The following PPARG variants were observed in gnomAD, a reference collection of about 807,000 sequenced individuals.
PPARG encodes the protein peroxisome proliferator-activated receptor gamma.
Under a neutral mutation model 39.2 loss-of-function variants are expected in PPARG, and 17 were observed. That is an observed-to-expected ratio of 0.43 (90% CI 0.30 to 0.65). The LOEUF is 0.65. PPARG is among the 30% of genes least tolerant of loss of function. The pLI is 0.13. For missense variants in PPARG, 406 were observed against 585.9 expected (o/e 0.69, Z 3.17); for synonymous variants, 223 against 215.7 (o/e 1.03, Z -0.30).
intron 4 of PPARG, among the ~76,000 whole-genome samples, chr3:12,382,264 T>A (rs1395504816): frequency 6.6e-6 from 1 of 152,164 alleles, no homozygotes; most frequent in Non-Finnish European, 1.5e-5. Context: ...TATCCTCATC[T>A]CTTTCCTTTG....
chr3:12,332,998 T>C (rs1413859460), intron 2 of PPARG, among the ~76,000 whole-genome samples: 1 of 152,138 alleles, frequency 6.6e-6, no homozygotes, highest in Non-Finnish European at 1.5e-5. Context: ...ACCACTGCAC[T>C]CCAACCTAGG....
At chr3:12,412,247 A>C (rs2050901856) in intron 6 of PPARG, among the ~76,000 whole-genome samples, 1 of 152,148 alleles carries the variant, frequency 6.6e-6, no homozygotes, top group African/African-American at 2.4e-5. Context: ...TTTCTCAGGA[A>C]CACTACTGTT....
rs35196430 is a variant in PPARG, at chr3:12,329,166, CAA to C, written c.-9+16729_-9+16730del. Among the ~76,000 whole-genome samples the C allele has an allele frequency of 6.7e-3, 840 of 125,372 alleles. 4 individuals are homozygous for C. Among genetic ancestry groups the C allele is most frequent in the African/African-American group, 0.014 (474 of 33,284 alleles). 82.2% of individuals were successfully genotyped at this position (125,372 alleles called of 152,430 possible). A position where few individuals can be genotyped will look rare whatever the true frequency, so the allele number is the denominator to read the frequency against. The stretch of plus-strand genomic sequence containing the variant: ...ACAAGGACAATAAATACTCAAAATG[CAA>C]AAAAAAAAAAAAAAACCTACTGCAT... On this transcript the variant is annotated intron_variant, in intron 2 of 7. Coordinates refer to ENST00000651735, the MANE Select transcript of PPARG (RefSeq NM_138711.6).
intron 6 of PPARG, among the ~76,000 whole-genome samples, chr3:12,415,853 T>C (rs1250901967): frequency 6.6e-6 from 1 of 152,152 alleles, no homozygotes; most frequent in Admixed American, 6.5e-5. Context: ...ATAGTTTCAT[T>C]TGAGATCTGA....
chr3:12,300,206 G>A (rs2046892302), intron 1 of PPARG, among the ~76,000 whole-genome samples: 1 of 151,880 alleles, frequency 6.6e-6, no homozygotes, highest in South Asian at 2.1e-4. Flanking sequence ...TTTCACCAGA[G>A]TTAATTTGTT....
At chr3:12,430,193 A>G (rs2051608033) in intron 7 of PPARG, among the ~76,000 whole-genome samples, 1 of 103,730 alleles carries the variant, frequency 9.6e-6, no homozygotes, top group South Asian at 2.8e-4. Flanking sequence ...CATCGTTTAC[A>G]GACTTCTTCA....
At chr3:12,349,766 A>G (rs1008970338) in intron 2 of PPARG, among the ~76,000 whole-genome samples, 9 of 152,188 alleles carry the variant, frequency 5.9e-5, no homozygotes, top group Admixed American at 2.6e-4. Context: ...GGTGGGTGCT[A>G]TAGGAGTAGG....
chr3:12,317,311 TC>T (rs2047416177), intron 2 of PPARG, among the ~76,000 whole-genome samples: 1 of 152,214 alleles, frequency 6.6e-6, no homozygotes, highest in South Asian at 2.1e-4. Context: ...TCATTTCTTT[TC>T]ATTTTTATTA....
intron 1 of PPARG, among the ~76,000 whole-genome samples, chr3:12,304,987 G>A (rs1297780186): frequency 6.6e-6 from 1 of 152,146 alleles, no homozygotes; most frequent in Non-Finnish European, 1.5e-5. Flanking sequence ...TAATTGGAAT[G>A]TCTGAGCCTT....
At chr3:12,316,249 G>A (rs1353030044) in intron 2 of PPARG, among the ~76,000 whole-genome samples, 1 of 152,198 alleles carries the variant, frequency 6.6e-6, no homozygotes, top group Non-Finnish European at 1.5e-5. Context: ...CATGAAAAAT[G>A]AAATGTGAAG....
In PPARG at chr3:12,405,870, C is replaced by T; in HGVS notation, c.530-12C>T. The stretch of plus-strand genomic sequence containing the variant: ...TCCAATGATTCATCCTGTCATTCCT[C>T]TTCCTCTATAGCCATCAGGTTTGGG... On this transcript the variant is annotated splice_polypyrimidine_tract_variant and intron_variant, in intron 5 of 7. Coordinates refer to ENST00000651735, the MANE Select transcript of PPARG (RefSeq NM_138711.6). 1 of 1,611,662 alleles carries T rather than the reference C, an allele frequency of 6.2e-7. No individual in the cohort carries two copies. The highest frequency in any genetic ancestry group is 1.1e-5 in the South Asian group (1 of 91,028).
At chr3:12,322,059 G>T (rs1175410010) in intron 2 of PPARG, among the ~76,000 whole-genome samples, 1 of 152,174 alleles carries the variant, frequency 6.6e-6, no homozygotes, top group Non-Finnish European at 1.5e-5. Context: ...ATTAAGAAAA[G>T]AATTTCCATG....
At chr3:12,417,452 T>C (rs2051101771) in intron 7 of PPARG, among the ~76,000 whole-genome samples, 1 of 152,198 alleles carries the variant, frequency 6.6e-6, no homozygotes, top group South Asian at 2.1e-4. Flanking sequence ...TCTCTTTCTT[T>C]TCCTTCCAGA....
At chr3:12,356,837 A>T (rs1706787678) in intron 2 of PPARG, among the ~76,000 whole-genome samples, 1 of 152,164 alleles carries the variant, frequency 6.6e-6, no homozygotes, top group Admixed American at 6.5e-5. Flanking sequence ...AGTAAGGCCG[A>T]CCCACCCTTG....
intron 2 of PPARG, among the ~76,000 whole-genome samples, chr3:12,348,345 T>G (rs1167994603): frequency 1.3e-5 from 2 of 152,192 alleles, no homozygotes; most frequent in Admixed American, 1.3e-4. Context: ...TACCAAAGTG[T>G]GAAGAGTTTT....
intron 4 of PPARG, 23 bp from the exon 5 acceptor site, chr3:12,392,591 G>A (rs372314803): frequency 1.2e-6 from 2 of 1,613,168 alleles, no homozygotes; most frequent in Admixed American, 1.7e-5. Context: ...CTTAAAATTT[G>A]CTTCTTTTTT....
chr3:12,380,039 G>C, intron 3 of PPARG, 108 bp downstream of exon 3: 1 of 973,152 alleles, frequency 1.0e-6, no homozygotes, highest in Non-Finnish European at 1.6e-6. Context: ...TAATAGAGAA[G>C]GCATTCACCA....
intron 2 of PPARG, among the ~76,000 whole-genome samples, chr3:12,345,059 TA>T (rs1173224424): frequency 1.3e-5 from 2 of 151,430 alleles, no homozygotes; most frequent in African/African-American, 4.8e-5. Context: ...TCAAACGAAA[TA>T]AAAACACTAT....
intron 6 of PPARG, among the ~76,000 whole-genome samples, chr3:12,415,014 A>G (rs1466488255): frequency 2.0e-5 from 3 of 152,212 alleles, no homozygotes; most frequent in Non-Finnish European, 4.4e-5. Context: ...TAATCTTTTG[A>G]TGAAAATCAT....
Sources: allele counts gnomAD v4.1 joint callset (sites outside exome capture counted in the v4.1 genomes callset), GRCh38; gene constraint gnomAD v4.1.1; transcripts MANE v1.5; gene names NCBI Gene and HGNC (gene_info 2026-07-23, HGNC 2026-07-21).